Variants in SLC36A1 observed in about 807,000 individuals in gnomAD.
SLC36A1 encodes the protein solute carrier family 36 member 1.
Under a neutral mutation model 47.5 loss-of-function variants are expected in SLC36A1, and 30 were observed. That is an observed-to-expected ratio of 0.63 (90% CI 0.47 to 0.86). SLC36A1 has a LOEUF of 0.86. Among genes scored for constraint, SLC36A1 ranks in the 40% least tolerant of loss-of-function variants. The pLI is 0.00. For synonymous variants in SLC36A1, 255 were observed against 249.7 expected (o/e 1.02, Z -0.20); for missense variants, 517 against 606.0 (o/e 0.85, Z 1.54).
chr5:151,518,278 A>G, the SLC36A1 span, among the ~76,000 whole-genome samples: 1 of 151,814 alleles, frequency 6.6e-6, no homozygotes, highest in African/African-American at 2.4e-5. Flanking sequence ...GAGCCCAGGA[A>G]GTCAAGGCTG....
the SLC36A1 span, chr5:151,544,046 C>G: frequency 6.2e-7 from 1 of 1,614,158 alleles, no homozygotes; most frequent in South Asian, 1.1e-5. Context: ...AGGGTTTCAC[C>G]AGTGAGTGGG....
chr5:151,415,966 G>A, the SLC36A1 span, among the ~76,000 whole-genome samples: 3 of 152,154 alleles, frequency 2.0e-5, no homozygotes, highest in Non-Finnish European at 2.9e-5. Flanking sequence ...AATTAGCCAG[G>A]TGTGGTGGTG....
At chr5:151,517,643 C>T in the SLC36A1 span, 1 of 1,614,194 alleles carries the variant, frequency 6.2e-7, no homozygotes, top group South Asian at 1.1e-5. Flanking sequence ...GACGCTGTTT[C>T]ATTGGTGAAT....
At chr5:151,517,319 A>C in the SLC36A1 span, among the ~76,000 whole-genome samples, 1 of 152,138 alleles carries the variant, frequency 6.6e-6, no homozygotes, top group Non-Finnish European at 1.5e-5. Context: ...CTGGCCTATT[A>C]CTCAGCAAAA....
chr5:151,396,832 A>G, the SLC36A1 span, among the ~76,000 whole-genome samples: 1 of 152,212 alleles, frequency 6.6e-6, no homozygotes, highest in East Asian at 1.9e-4. Context: ...CAGGTAAGGA[A>G]GCTGAGCCTT....
chr5:151,534,970 AATATATATATAT>A, the SLC36A1 span, among the ~76,000 whole-genome samples: 7 of 106,418 alleles, frequency 6.6e-5, 1 homozygote, highest in East Asian at 1.3e-3. Context: ...CTTCTAGGAA[AATATATATATAT>A]ATATATATAT....
the SLC36A1 span, among the ~76,000 whole-genome samples, chr5:151,355,679 T>A: frequency 6.6e-6 from 1 of 152,160 alleles, no homozygotes; most frequent in Non-Finnish European, 1.5e-5. Context: ...TATACTGACG[T>A]GGAGGGAGAT....
the SLC36A1 span, among the ~76,000 whole-genome samples, chr5:151,515,138 T>C: frequency 1.3e-5 from 2 of 152,134 alleles, no homozygotes; most frequent in Non-Finnish European, 2.9e-5. Context: ...TCACTTCCCA[T>C]CTTACTGGCC....
At chr5:151,383,529 CT>C in the SLC36A1 span, among the ~76,000 whole-genome samples, 2 of 148,322 alleles carry the variant, frequency 1.3e-5, no homozygotes, top group African/African-American at 2.5e-5. Flanking sequence ...GCCAGCTGCA[CT>C]TTTTTTTCTG....
chr5:151,502,993 T>G, the SLC36A1 span, among the ~76,000 whole-genome samples: 1 of 148,232 alleles, frequency 6.7e-6, no homozygotes, highest in East Asian at 1.9e-4. Flanking sequence ...TTGAAAAAGC[T>G]ACGTATCATA....
intron 1 of SLC36A1, among the ~76,000 whole-genome samples, chr5:151,449,092 G>GC (rs1351723244): frequency 2.0e-5 from 3 of 152,008 alleles, no homozygotes; most frequent in Non-Finnish European, 4.4e-5. Flanking sequence ...GATTTTACCC[G>GC]CTGTGTACAC....
At chr5:151,526,637 A>C in the SLC36A1 span, among the ~76,000 whole-genome samples, 61,786 of 152,050 alleles carry the variant, frequency 0.41, 13,586 homozygotes, top group East Asian at 0.79. Flanking sequence ...TGGACTGGCG[A>C]TATTCTCAGA....
the SLC36A1 span, among the ~76,000 whole-genome samples, chr5:151,520,898 G>A: frequency 2.0e-5 from 3 of 152,194 alleles, no homozygotes; most frequent in Non-Finnish European, 4.4e-5. Flanking sequence ...ACATAGTACT[G>A]ATGTAATTCC....
At chr5:151,451,834 G>A (rs55648628) in intron 1 of SLC36A1, among the ~76,000 whole-genome samples, 59,126 of 151,892 alleles carry the variant, frequency 0.39, 12,950 homozygotes, top group Admixed American at 0.58. Flanking sequence ...CCAGGCTCTG[G>A]GGCCAGCTTT....
chr5:151,467,916 C>T lies in SLC36A1; in HGVS notation c.714C>T (p.Phe238=). The part of the protein sequence containing the change: ...MLVSLVMIYQ[F]IVQRIPDPSH... Reference sequence around the variant, plus strand: ...TCAGCTTGGTCATGATCTACCAGTTCATTGTTCAGGTACATGCCTAGGCCC... The same window carrying T: ...TCAGCTTGGTCATGATCTACCAGTTTATTGTTCAGGTACATGCCTAGGCCC... The change falls in exon 7 of 11, where the codon TTC becomes TTT. Residue 238 remains phenylalanine (F), a synonymous_variant. Transcript: ENST00000243389. The T allele has an allele frequency of 6.2e-7, 1 of 1,613,268 alleles. No individual in the cohort carries two copies. The highest frequency in any genetic ancestry group is 2.2e-5 in the East Asian group (1 of 44,820).
At chr5:151,368,570 A>G in the SLC36A1 span, among the ~76,000 whole-genome samples, 86 of 152,272 alleles carry the variant, frequency 5.6e-4, no homozygotes, top group African/African-American at 1.5e-3. Flanking sequence ...AATGACCCCA[A>G]ACTTCACTGG....
the SLC36A1 span, chr5:151,510,356 C>T: frequency 1.5e-5 from 9 of 616,448 alleles, no homozygotes; most frequent in Non-Finnish European, 2.2e-5. Context: ...CACTTTGGTC[C>T]CTGCCCTCAA....
At chr5:151,543,275 C>A in the SLC36A1 span, 2 of 1,614,060 alleles carry the variant, frequency 1.2e-6, no homozygotes, top group Admixed American at 3.3e-5. Context: ...GTGACATCTG[C>A]GTTCTGACCT....
At chr5:151,443,279 C>T (rs1246305012), upstream of SLC36A1, among the ~76,000 whole-genome samples, 3 of 152,064 alleles carry the variant, frequency 2.0e-5, no homozygotes, top group African/African-American at 7.2e-5. Context: ...GTCTACAGTC[C>T]CACCAACAGT....
Sources: gnomAD v4.1 joint callset for allele counts (sites outside exome capture counted in the v4.1 genomes callset) on GRCh38, gnomAD v4.1.1 for gene constraint, MANE v1.5 for transcripts, NCBI Gene and HGNC (gene_info 2026-07-23, HGNC 2026-07-21) for gene names.